The following KMT5B variants were observed in gnomAD, a reference collection of about 807,000 sequenced individuals.
The protein encoded by KMT5B is lysine methyltransferase 5B.
Under a neutral mutation model 83.2 loss-of-function variants are expected in KMT5B, and 10 were observed. That is an observed-to-expected ratio of 0.12 (90% confidence interval 0.07 to 0.20). The LOEUF is 0.20. Among genes scored for constraint, KMT5B ranks in the 10% least tolerant of loss-of-function variants. The pLI is 1.00. For missense variants in KMT5B, 753 were observed against 1,067.2 expected (o/e 0.71, Z 4.10); for synonymous variants, 349 against 388.8 (o/e 0.90, Z 1.20).
chr11:68,197,983 T>C (rs977883860), intron 1 of KMT5B, among the ~76,000 whole-genome samples: 27 of 152,274 alleles, frequency 1.8e-4, no homozygotes, highest in African/African-American at 6.5e-4. Context: ...TCATTTGTTC[T>C]GCCCTCCTAA....
At chr11:68,164,079 T>A (rs986335087) in intron 10 of KMT5B, among the ~76,000 whole-genome samples, 1 of 152,178 alleles carries the variant, frequency 6.6e-6, no homozygotes, top group Non-Finnish European at 1.5e-5. Context: ...ATAAGAGGCC[T>A]GAAAAACCAG....
intron 1 of KMT5B, among the ~76,000 whole-genome samples, chr11:68,208,350 G>A (rs1248450573): frequency 2.0e-5 from 3 of 152,020 alleles, no homozygotes; most frequent in Non-Finnish European, 4.4e-5. Flanking sequence ...GGGAGGCTGA[G>A]GCAGGAGAAT....
Position 68,157,550 on chromosome 11 carries a change from G to A in KMT5B, c.*138C>T, listed in dbSNP as rs1185133369. 4 of 1,282,820 alleles carry A rather than the reference G, an allele frequency of 3.1e-6. No individual in the cohort carries two copies. The highest frequency in any genetic ancestry group is 3.0e-5 in the African/African-American group (2 of 66,692). 79.5% of individuals were successfully genotyped at this position (1,282,820 alleles called of 1,614,324 possible). ...GACTTAAGAATTGAGTCAGTATGCT[G>A]TACACTTTCTACAATAGTATGCTGA... is the stretch of plus-strand genomic sequence containing the variant. On this transcript the variant is annotated 3_prime_UTR_variant, in exon 11 of 11. Transcript: ENST00000304363.
chr11:68,159,438 C>T (rs560235712), intron 10 of KMT5B, among the ~76,000 whole-genome samples: 1 of 152,348 alleles, frequency 6.6e-6, no homozygotes, highest in Admixed American at 6.5e-5. Context: ...CTAGATTCCA[C>T]TCTAAGCTTC....
Position 68,156,248 on chromosome 11 carries a change from G to A in KMT5B, c.*1440C>T, listed in dbSNP as rs536635876. On this transcript the variant is annotated 3_prime_UTR_variant, in exon 11 of 11. Transcript: ENST00000304363. ...CAGGTACACATTTCCCAGAAATAAA[G>A]AGACCTACTGGTGTCAAACACCTGT... The A allele has an allele frequency of 6.6e-6, 1 of 152,528 alleles. No homozygotes were observed. Among genetic ancestry groups the A allele is most frequent in the South Asian group, 2.1e-4 (1 of 4,830 alleles). 9.4% of individuals were successfully genotyped at this position (152,528 alleles called of 1,614,324 possible).
chr11:68,199,247 G>GA (rs1859110783), intron 1 of KMT5B, among the ~76,000 whole-genome samples: 1 of 152,018 alleles, frequency 6.6e-6, no homozygotes. Context: ...TATTCTAATG[G>GA]AAAAAAGCAC....
intron 1 of KMT5B, among the ~76,000 whole-genome samples, chr11:68,198,134 A>G (rs1858943374): frequency 1.3e-5 from 2 of 152,216 alleles, no homozygotes; most frequent in Non-Finnish European, 2.9e-5. Flanking sequence ...AAAACATCCC[A>G]GCACTTTGGG....
intron 1 of KMT5B, among the ~76,000 whole-genome samples, chr11:68,195,781 G>C (rs936111289): frequency 1.3e-4 from 20 of 152,162 alleles, no homozygotes; most frequent in African/African-American, 4.3e-4. Context: ...ACACAGAGCA[G>C]AATATTTCAC....
intron 10 of KMT5B, chr11:68,165,810 C>T: frequency 6.3e-7 from 1 of 1,585,376 alleles, no homozygotes; most frequent in Non-Finnish European, 8.6e-7. Flanking sequence ...ACGAAAAAGA[C>T]TGGAATAGGG....
At chr11:68,162,819 T>C (rs148172396) in intron 10 of KMT5B, among the ~76,000 whole-genome samples, 4 of 152,214 alleles carry the variant, frequency 2.6e-5, no homozygotes, top group East Asian at 3.9e-4. Context: ...AAAAGCATTA[T>C]CTCATCAAAA....
In KMT5B at chr11:68,187,686, T is replaced by C. The variant is rs186977155; in HGVS notation, c.161-1758A>G. Among the ~76,000 whole-genome samples the C allele has an allele frequency of 3.0e-3, 451 of 152,362 alleles. 3 individuals carry two copies. Among genetic ancestry groups the C allele is most frequent in the Non-Finnish European group, 5.6e-3 (378 of 68,036 alleles). ...TTCTATAGATGTCTGTTAGGCCTCATTGGTTTATAGTCTTAAGCTGTTCTA... is the reference window on the plus strand; with the variant it reads ...TTCTATAGATGTCTGTTAGGCCTCACTGGTTTATAGTCTTAAGCTGTTCTA... On this transcript the variant is annotated intron_variant, in intron 2 of 10. Transcript: ENST00000304363.
In KMT5B at chr11:68,213,163, G is replaced by A. The variant is rs1861193439; in HGVS notation, c.-102C>T. The A allele has an allele frequency of 9.4e-6, 1 of 106,690 alleles. No individual in the cohort carries two copies. The highest frequency in any genetic ancestry group is 1.9e-5 in the Non-Finnish European group (1 of 52,540). The allele number at this position is 106,690 out of a possible 1,614,324, so 6.6% of individuals were successfully genotyped here. Reference sequence around the variant, plus strand: ...CGCCTGCGCCGCCCCGCTCCTCCTCGGGGCGCGTCCCAGGCCCCGCTGCCC... The same window carrying A: ...CGCCTGCGCCGCCCCGCTCCTCCTCAGGGCGCGTCCCAGGCCCCGCTGCCC... On this transcript the variant is annotated 5_prime_UTR_variant, in exon 1 of 11. Transcript: ENST00000304363.
Position 68,157,580 on chromosome 11 carries a change from T to A in KMT5B, c.*108A>T, listed in dbSNP as rs939321606. 5 of 1,445,272 alleles carry A rather than the reference T, an allele frequency of 3.5e-6. No homozygotes were observed. In the African/African-American group the frequency reaches 5.7e-5, roughly 16 times the overall value. The allele number at this position is 1,445,272 out of a possible 1,614,324, so 89.5% of individuals were successfully genotyped here. A position where few individuals can be genotyped will look rare whatever the true frequency, so the allele number is the denominator to read the frequency against. Reference sequence around the variant, plus strand: ...CTTTCTACAATAGTATGCTGATAAGTGAAGGGACAATAGAAGTGCTGCCAC... The same window carrying A: ...CTTTCTACAATAGTATGCTGATAAGAGAAGGGACAATAGAAGTGCTGCCAC... On this transcript the variant is annotated 3_prime_UTR_variant, in exon 11 of 11. Transcript: ENST00000304363.
rs184170054 is a variant in KMT5B at position 68,204,591 on chromosome 11, C to T, written c.-77+8547G>A. Among the ~76,000 whole-genome samples the T allele has an allele frequency of 1.5e-4, 23 of 149,480 alleles. No homozygotes were observed. In the East Asian group the frequency reaches 3.9e-3, roughly 26 times the overall value. ...ATGTTGAACTTCTGGCCTCGAAAAC[C>T]GTGAGAGAATAAATTTCCGGTTTTT... On this transcript the variant is annotated intron_variant, in intron 1 of 10. Transcript: ENST00000304363.
chr11:68,206,861 T>A (rs981222623), intron 1 of KMT5B, among the ~76,000 whole-genome samples: 1 of 151,958 alleles, frequency 6.6e-6, no homozygotes, highest in Non-Finnish European at 1.5e-5. Context: ...AGAATAATTA[T>A]GACACAAGGC....
At position 68,156,103 on chromosome 11, in the gene KMT5B, TG is replaced by T; in HGVS notation, c.*1584del. On this transcript the variant is annotated 3_prime_UTR_variant, in exon 11 of 11. Transcript: ENST00000304363. ...CAGTAAGCATTGAGATTTTCTCCAC[TG>T]GACTTTTCATGACCTTCAGATTCCT... 3 of 152,354 alleles carry T rather than the reference TG, an allele frequency of 2.0e-5. 1 individual carries two copies. In the South Asian group the frequency reaches 6.2e-4, roughly 32 times the overall value. The allele number at this position is 152,354 out of a possible 1,614,324, so 9.4% of individuals were successfully genotyped here. A position where few individuals can be genotyped will look rare whatever the true frequency, so the allele number is the denominator to read the frequency against.
At chr11:68,188,674 T>C (rs954206559) in intron 2 of KMT5B, among the ~76,000 whole-genome samples, 9 of 152,224 alleles carry the variant, frequency 5.9e-5, no homozygotes, top group African/African-American at 2.2e-4. Flanking sequence ...TTCTAAATTC[T>C]TGTGTATCTA....
At position 68,158,349 on chromosome 11, in the gene KMT5B, G is replaced by A. The variant is rs778314058; in HGVS notation, c.1997C>T (p.Thr666Ile). The A allele has an allele frequency of 5.0e-6, 8 of 1,614,082 alleles. No individual in the cohort carries two copies. The East Asian group carries it at 1.3e-4, about 27-fold the overall frequency. ...SGTVGVPVSY[T>I]DCAPSPVGCS... ...ACCGACGGGTGAAGGAGCACAGTCT[G>A]TGTAGCTCACAGGCACGCCCACAGT... The change falls in exon 11 of 11, where the codon ACA (threonine) becomes ATA (isoleucine). Residue 666 changes from threonine (T) to isoleucine (I), a missense_variant. Transcript: ENST00000304363.
At chr11:68,165,534 C>G (rs140804528) in intron 10 of KMT5B, among the ~76,000 whole-genome samples, 169 of 152,012 alleles carry the variant, frequency 1.1e-3, no homozygotes, top group African/African-American at 4.0e-3. Flanking sequence ...ACAGGTCTTA[C>G]TATGTTGCCC....
Sources: gnomAD v4.1 joint callset for allele counts (sites outside exome capture counted in the v4.1 genomes callset) on GRCh38, gnomAD v4.1.1 for gene constraint, MANE v1.5 for transcripts, NCBI Gene and HGNC (gene_info 2026-07-23, HGNC 2026-07-21) for gene names.